PDZRN4: variants seen among roughly 807,000 people sequenced by gnomAD.
The protein encoded by PDZRN4 is PDZ domain-containing RING finger protein 4.
Under a neutral mutation model 99.0 loss-of-function variants are expected in PDZRN4, and 70 were observed. The observed-to-expected ratio is 0.71, with a 90% CI of 0.58 to 0.86. PDZRN4 has a LOEUF of 0.86. Among genes scored for constraint, PDZRN4 ranks in the 40% least tolerant of loss-of-function variants. PDZRN4 has a pLI of 0.00. For synonymous variants in PDZRN4, 551 were observed against 501.6 expected, an observed-to-expected ratio of 1.10 and a Z score of -1.32; for missense variants, 1,474 against 1,331.2, an observed-to-expected ratio of 1.11 and a Z score of -1.67.
chr12:41,238,317 C>T (rs1401668855), intron 3 of PDZRN4, among the ~76,000 whole-genome samples: 2 of 151,972 alleles, frequency 1.3e-5, no homozygotes, highest in African/African-American at 4.8e-5. Flanking sequence ...TTTTGCACAT[C>T]GATTTTGTAT....
chr12:41,430,517 T>A (rs985587199), intron 3 of PDZRN4, among the ~76,000 whole-genome samples: 1 of 151,752 alleles, frequency 6.6e-6, no homozygotes, highest in African/African-American at 2.4e-5. Context: ...TATTACTCTG[T>A]ATGTATTACA....
intron 3 of PDZRN4, among the ~76,000 whole-genome samples, chr12:41,273,849 C>A (rs1160563877): frequency 6.6e-6 from 1 of 152,050 alleles, no homozygotes; most frequent in Non-Finnish European, 1.5e-5. Context: ...ACCTTCATGG[C>A]AGCAGATGCC....
chr12:41,235,617 T>G (rs2120768395), intron 3 of PDZRN4, among the ~76,000 whole-genome samples: 1 of 152,252 alleles, frequency 6.6e-6, no homozygotes, highest in East Asian at 1.9e-4. Context: ...ACCTTATGTT[T>G]TTTAGAAAAA....
intron 3 of PDZRN4, among the ~76,000 whole-genome samples, chr12:41,324,866 A>G (rs548998804): frequency 6.6e-6 from 1 of 152,256 alleles, no homozygotes; most frequent in East Asian, 1.9e-4. Context: ...TTTGGAGTTA[A>G]ATAAAATATA....
chr12:41,473,901 G>A (rs571379006), intron 3 of PDZRN4, among the ~76,000 whole-genome samples: 1 of 152,224 alleles, frequency 6.6e-6, no homozygotes, highest in Non-Finnish European at 1.5e-5. Context: ...AAGTCTTTGA[G>A]AATCAGAGTT....
rs114303326 is a variant in PDZRN4, at chr12:41,571,171, T to C, written c.1585-1193T>C. On this transcript the variant is annotated intron_variant, in intron 9 of 9. Coordinates refer to ENST00000402685, the MANE Select transcript of PDZRN4 (RefSeq NM_001164595.2). ...TATATATATATATAGTGAATAAACTTAGGCATAAGGCAGATATAACCTAGA... is the reference window on the plus strand; with the variant it reads ...TATATATATATATAGTGAATAAACTCAGGCATAAGGCAGATATAACCTAGA... Among the ~76,000 whole-genome samples, 1,398 of 152,106 alleles carry C rather than the reference T, an allele frequency of 9.2e-3. 28 individuals are homozygous for C. Among genetic ancestry groups the C allele is most frequent in the African/African-American group, 0.031 (1,287 of 41,498 alleles).
At chr12:41,290,822 C>T (rs1390533250) in intron 3 of PDZRN4, among the ~76,000 whole-genome samples, 3 of 152,084 alleles carry the variant, frequency 2.0e-5, no homozygotes, top group Non-Finnish European at 2.9e-5. Flanking sequence ...GCCATGAATA[C>T]CCCCTTTAGA....
At chr12:41,216,054 T>G (rs567523707) in intron 3 of PDZRN4, among the ~76,000 whole-genome samples, 1 of 152,086 alleles carries the variant, frequency 6.6e-6, no homozygotes, top group South Asian at 2.1e-4. Flanking sequence ...ATTTCTTTTC[T>G]TTCTCAGAAC....
intron 3 of PDZRN4, among the ~76,000 whole-genome samples, chr12:41,455,272 G>A (rs1329926384): frequency 2.0e-5 from 3 of 152,126 alleles, no homozygotes; most frequent in African/African-American, 4.8e-5. Flanking sequence ...CCTACAAAGA[G>A]GAGGCTTAGA....
At chr12:41,360,407 T>C (rs1188979800) in intron 3 of PDZRN4, among the ~76,000 whole-genome samples, 1 of 152,050 alleles carries the variant, frequency 6.6e-6, no homozygotes, top group Non-Finnish European at 1.5e-5. Flanking sequence ...CCATCTCTCA[T>C]GGTGCTTTAG....
intron 3 of PDZRN4, among the ~76,000 whole-genome samples, chr12:41,209,696 A>G (rs1950875661): frequency 1.3e-5 from 2 of 150,292 alleles, no homozygotes; most frequent in Non-Finnish European, 3.0e-5. Context: ...TTATGGCTGC[A>G]TAGTATTCCA....
At chr12:41,244,719 C>T (rs1278368300) in intron 3 of PDZRN4, among the ~76,000 whole-genome samples, 1 of 149,268 alleles carries the variant, frequency 6.7e-6, no homozygotes, top group Non-Finnish European at 1.5e-5. Context: ...GCTCTGTCGC[C>T]CAGGCCAGAC....
chr12:41,566,451 T>A (rs1939372463), intron 8 of PDZRN4, among the ~76,000 whole-genome samples: 1 of 152,212 alleles, frequency 6.6e-6, no homozygotes, highest in Admixed American at 6.5e-5. Flanking sequence ...TTTACATTTT[T>A]ACTTGGCATA....
At position 41,223,956 on chromosome 12, in the gene PDZRN4, A is replaced by T. The variant is rs889730255; in HGVS notation, c.843+29768A>T. Among the ~76,000 whole-genome samples the T allele has an allele frequency of 2.0e-5, 3 of 152,232 alleles. No homozygotes were observed. The East Asian group carries it at 5.8e-4, about 29-fold the overall frequency. On this transcript the variant is annotated intron_variant, in intron 3 of 9. Coordinates refer to ENST00000402685, the MANE Select transcript of PDZRN4 (RefSeq NM_001164595.2). ...AAAAGTGTTTCAGCCACGGCCTTCC[A>T]CTAAAGAGGCCTCTGACCAGAAGGG... is the stretch of plus-strand genomic sequence containing the variant.
rs1476529923 is a variant in PDZRN4 at position 41,188,808 on chromosome 12, G to A, written c.353G>A (p.Cys118Tyr). 1 of 1,344,246 alleles carries A rather than the reference G, an allele frequency of 7.4e-7. No individual in the cohort carries two copies. Among genetic ancestry groups the A allele is most frequent in the Admixed American group, 4.1e-5 (1 of 24,174 alleles). 83.3% of individuals were successfully genotyped at this position (1,344,246 alleles called of 1,614,324 possible). ...CGCCGGCTCCGCAGCCGCGGGGGCT[G>A]CGCTTCGGGGCTGGGCGGTGGTGAG... Reference protein sequence around the residue: ...PARRLRSRGGCASGLGGGEVP... With the variant: ...PARRLRSRGGYASGLGGGEVP... Residue 118 changes from cysteine (C) to tyrosine (Y), a missense_variant, in exon 1 of 10, where the codon TGC (cysteine) becomes TAC (tyrosine). Cys to Tyr is a radical substitution (Grantham distance 194). Coordinates refer to ENST00000402685, the MANE Select transcript of PDZRN4 (RefSeq NM_001164595.2).
At chr12:41,561,743 G>A (rs899108077) in intron 7 of PDZRN4, among the ~76,000 whole-genome samples, 1 of 151,914 alleles carries the variant, frequency 6.6e-6, no homozygotes, top group African/African-American at 2.4e-5. Context: ...AGATGTGCCT[G>A]TAGTGGAGAG....
At chr12:41,431,736 T>C (rs2120440389) in intron 3 of PDZRN4, among the ~76,000 whole-genome samples, 1 of 152,338 alleles carries the variant, frequency 6.6e-6, no homozygotes, top group Middle Eastern at 3.4e-3. Flanking sequence ...CTCTTCATTC[T>C]GCAAGCAATA....
intron 3 of PDZRN4, among the ~76,000 whole-genome samples, chr12:41,390,041 G>A (rs979015853): frequency 1.3e-5 from 2 of 152,048 alleles, no homozygotes; most frequent in Non-Finnish European, 2.9e-5. Flanking sequence ...TCAACAATTG[G>A]CATGTCAGTT....
intron 3 of PDZRN4, among the ~76,000 whole-genome samples, chr12:41,397,601 C>T (rs187458038): frequency 5.9e-5 from 9 of 152,132 alleles, no homozygotes; most frequent in Non-Finnish European, 1.2e-4. Context: ...TATTTAATTG[C>T]TTTTAGAATT....
Sources: gnomAD v4.1 joint callset for allele counts (sites outside exome capture counted in the v4.1 genomes callset) on GRCh38, gnomAD v4.1.1 for gene constraint, MANE v1.5 for transcripts, NCBI Gene and HGNC (gene_info 2026-07-23, HGNC 2026-07-21) for gene names.